C6orf52: variants seen among roughly 807,000 people sequenced by gnomAD.
C6orf52 encodes the protein putative uncharacterized protein C6orf52.
In C6orf52, 16 loss-of-function variants were observed where a neutral mutation model predicts 16.6. The observed-to-expected ratio is 0.96, with a 90% CI of 0.65 to 1.46. The LOEUF (loss-of-function observed/expected upper bound fraction) is 1.46. Among genes scored for constraint, C6orf52 ranks in the 40% most tolerant of loss-of-function variants. C6orf52 has a pLI of 0.00. For synonymous variants in C6orf52, 53 were observed against 61.4 expected, an observed-to-expected ratio of 0.86 and a Z score of 0.64; for missense variants, 166 against 182.3, an observed-to-expected ratio of 0.91 and a Z score of 0.52.
At chr6:10,684,391 A>G (rs183408648) in intron 3 of C6orf52, among the ~76,000 whole-genome samples, 14 of 152,364 alleles carry the variant, frequency 9.2e-5, no homozygotes, top group African/African-American at 2.9e-4. Context: ...TTCCCATAAT[A>G]CAAGACTTGA....
At chr6:10,685,632 T>C (rs192649638) in intron 3 of C6orf52, among the ~76,000 whole-genome samples, 47 of 152,318 alleles carry the variant, frequency 3.1e-4, no homozygotes, top group Non-Finnish European at 4.4e-4. Context: ...TTAATTTCTC[T>C]AACATGTGAA....
intron 1 of C6orf52, among the ~76,000 whole-genome samples, chr6:10,689,650 G>A (rs1769125188): frequency 6.6e-6 from 1 of 152,136 alleles, no homozygotes; most frequent in South Asian, 2.1e-4. Context: ...TGTGGGAAAA[G>A]GGTATTTGCT....
At chr6:10,694,117 A>G (rs951175527) in intron 1 of C6orf52, among the ~76,000 whole-genome samples, 27 of 151,972 alleles carry the variant, frequency 1.8e-4, no homozygotes, top group African/African-American at 6.3e-4. Context: ...AAAATTAGCC[A>G]GGCGTGGTGG....
intron 4 of C6orf52, among the ~76,000 whole-genome samples, chr6:10,676,994 T>C (rs1767956155): frequency 6.6e-6 from 1 of 152,222 alleles, no homozygotes; most frequent in African/African-American, 2.4e-5. Context: ...CTGTTTCCTT[T>C]GCTGTACAGA....
Position 10,694,588 on chromosome 6 carries a change from TACAGCCCC to T in C6orf52, c.-114_-107del. 2.8e-5 allele frequency: 5 copies of T among 176,906 alleles called. No individual in the cohort carries two copies. The highest frequency in any genetic ancestry group is 2.0e-4 in the South Asian group (2 of 9,864). 11.0% of individuals were successfully genotyped at this position (176,906 alleles called of 1,614,324 possible). A position where few individuals can be genotyped will look rare whatever the true frequency, so the allele number is the denominator to read the frequency against. ...CCACAACAATGCACGCTGCCGGCGC[TACAGCCCC>T]TAAGCAACCGGCCGGAAGTCGGCCC... is the stretch of plus-strand genomic sequence containing the variant. On this transcript the variant is annotated 5_prime_UTR_variant, in exon 1 of 5. Transcript: ENST00000259983.
At chr6:10,688,211 A>T (rs577527981) in intron 1 of C6orf52, among the ~76,000 whole-genome samples, 7,877 of 141,630 alleles carry the variant, frequency 0.056, 640 homozygotes, top group African/African-American at 0.21. Flanking sequence ...TTTTTTTTTT[A>T]AAAAAAGCAT....
chr6:10,687,144 A>G lies in C6orf52; in HGVS notation c.92T>C (p.Val31Ala). Residue 31 changes from valine (V) to alanine (A), a missense_variant, in exon 3 of 5, where the codon GTG becomes GCG. Val to Ala is a moderately conservative substitution (Grantham distance 64). Coordinates refer to ENST00000259983, the MANE Select transcript of C6orf52 (RefSeq NM_001145020.3). ...CTGGCTGGGCTGGAACTCCTGCTTC[A>G]CTCTAATAGCAGAGGGGAGACTACA... ...YWQSLPSAIR[V>A]KQEFQPSQSY... The G allele has an allele frequency of 3.2e-6, 5 of 1,550,616 alleles. No individual in the cohort carries two copies. The highest frequency in any genetic ancestry group is 4.4e-6 in the Non-Finnish European group (5 of 1,146,326).
At position 10,688,926 on chromosome 6, in the gene C6orf52, C is replaced by T. The variant is rs60610672; in HGVS notation, c.-11-1365G>A. On this transcript the variant is annotated intron_variant, in intron 1 of 4. Coordinates refer to ENST00000259983, the MANE Select transcript of C6orf52 (RefSeq NM_001145020.3). ...TCCCAGGTTCAAGTGATTCTGCTGC[C>T]TCAACCTCCCCAGTAGCTGGGATTA... is the stretch of plus-strand genomic sequence containing the variant. Among the ~76,000 whole-genome samples, 870 of 152,362 alleles carry T rather than the reference C, an allele frequency of 5.7e-3. 8 individuals are homozygous for T. Among genetic ancestry groups the T allele is most frequent in the African/African-American group, 0.02 (826 of 41,588 alleles).
intron 1 of C6orf52, among the ~76,000 whole-genome samples, chr6:10,688,022 TGCTG>T (rs1215709688): frequency 6.6e-6 from 1 of 151,932 alleles, no homozygotes; most frequent in African/African-American, 2.4e-5. Context: ...AACTAGCACC[TGCTG>T]GCTTTTTCTT....
chr6:10,682,847 C>T (rs1355153948), intron 4 of C6orf52, among the ~76,000 whole-genome samples: 5 of 152,188 alleles, frequency 3.3e-5, no homozygotes, highest in Admixed American at 6.5e-5. Flanking sequence ...ACAGCAATCA[C>T]CTCATGCTCT....
chr6:10,677,594 C>T (rs1201259365), intron 4 of C6orf52, among the ~76,000 whole-genome samples: 1 of 151,482 alleles, frequency 6.6e-6, no homozygotes, highest in African/African-American at 2.4e-5. Flanking sequence ...TGCAGTGGCG[C>T]CACCTTGGCT....
chr6:10,682,162 A>C (rs1016605294), intron 4 of C6orf52, among the ~76,000 whole-genome samples: 1 of 152,216 alleles, frequency 6.6e-6, no homozygotes, highest in Admixed American at 6.5e-5. Flanking sequence ...CTCACCCTTC[A>C]ATGTATCCAC....
chr6:10,691,114 A>T (rs1012235390), intron 1 of C6orf52, among the ~76,000 whole-genome samples: 1 of 152,346 alleles, frequency 6.6e-6, no homozygotes, highest in African/African-American at 2.4e-5. Context: ...TTCTCCAGAC[A>T]TATCTCAGCA....
At position 10,694,593 on chromosome 6, in the gene C6orf52, C is replaced by A; in HGVS notation, c.-111G>T. 5.6e-6 allele frequency: 1 copy of A among 179,550 alleles called. No homozygotes were observed. Among genetic ancestry groups the A allele is most frequent in the South Asian group, 9.8e-5 (1 of 10,256 alleles). 11.1% of individuals were successfully genotyped at this position (179,550 alleles called of 1,614,324 possible). ...ACAATGCACGCTGCCGGCGCTACAGCCCCTAAGCAACCGGCCGGAAGTCGG... is the reference window on the plus strand; with the variant it reads ...ACAATGCACGCTGCCGGCGCTACAGACCCTAAGCAACCGGCCGGAAGTCGG... On this transcript the variant is annotated 5_prime_UTR_variant, in exon 1 of 5. Coordinates refer to ENST00000259983, the MANE Select transcript of C6orf52 (RefSeq NM_001145020.3).
chr6:10,692,401 TG>T (rs1769402203), intron 1 of C6orf52, among the ~76,000 whole-genome samples: 1 of 152,228 alleles, frequency 6.6e-6, no homozygotes, highest in Non-Finnish European at 1.5e-5. Flanking sequence ...TAAAATAATT[TG>T]ATTTTTTGTA....
chr6:10,693,678 T>C (rs555202313), intron 1 of C6orf52, among the ~76,000 whole-genome samples: 40 of 152,334 alleles, frequency 2.6e-4, no homozygotes, highest in South Asian at 6.2e-4. Context: ...TGGGAGCTTG[T>C]AGGAAAGCTG....
chr6:10,681,741 C>T (rs1768421588), intron 4 of C6orf52, among the ~76,000 whole-genome samples: 1 of 152,192 alleles, frequency 6.6e-6, no homozygotes. Flanking sequence ...AATCTGAACC[C>T]CGTGGCAATC....
intron 1 of C6orf52, among the ~76,000 whole-genome samples, chr6:10,693,066 C>CTAA (rs1158304183): frequency 2.6e-5 from 4 of 152,166 alleles, no homozygotes; most frequent in Admixed American, 6.5e-5. Context: ...TTGCTTTGTG[C>CTAA]TAATAACTCT....
intron 1 of C6orf52, among the ~76,000 whole-genome samples, chr6:10,688,089 A>G (rs1425058032): frequency 1.3e-5 from 2 of 151,994 alleles, no homozygotes; most frequent in East Asian, 1.9e-4. Flanking sequence ...CAAAATTAAG[A>G]GGCAGAGAAG....
Sources: gnomAD v4.1 joint callset for allele counts (sites outside exome capture counted in the v4.1 genomes callset) on GRCh38, gnomAD v4.1.1 for gene constraint, MANE v1.5 for transcripts, NCBI Gene and HGNC (gene_info 2026-07-23, HGNC 2026-07-21) for gene names.